TAF13: variants seen among roughly 807,000 people sequenced by gnomAD.
TAF13 encodes the protein TATA-box binding protein associated factor 13, also known as transcription initiation factor TFIID subunit 13.
Under a neutral mutation model 18.7 loss-of-function variants are expected in TAF13, and 9 were observed. The ratio of observed to expected loss-of-function variants is 0.48; its 90% CI spans 0.29 to 0.84. The LOEUF is 0.84. Among genes scored for constraint, TAF13 ranks in the 40% least tolerant of loss-of-function variants. The probability of loss-of-function intolerance (pLI) is 0.08; values close to 1 mark genes in which losing one functional copy is unlikely to be tolerated. For missense variants in TAF13, 105 were observed against 146.5 expected, an observed-to-expected ratio of 0.72 and a Z score of 1.46; for synonymous variants, 49 against 44.1, an observed-to-expected ratio of 1.11 and a Z score of -0.44.
intron 3 of TAF13, 102 bp downstream of exon 3, chr1:109,066,033 T>C: frequency 1.1e-6 from 1 of 924,354 alleles, no homozygotes; most frequent in Admixed American, 2.7e-5. Context: ...CTCAAATGGA[T>C]AGCTTATTTC....
intron 2 of TAF13, among the ~76,000 whole-genome samples, chr1:109,070,732 T>C (rs1029580732): frequency 3.3e-5 from 5 of 152,070 alleles, no homozygotes; most frequent in Non-Finnish European, 7.4e-5. Flanking sequence ...GGAGAATAGA[T>C]CTTTCGTCAG....
chr1:109,074,951 T>C, intron 2 of TAF13, 36 bp downstream of exon 2: 2 of 1,524,222 alleles, frequency 1.3e-6, no homozygotes, highest in Non-Finnish European at 1.8e-6. Flanking sequence ...AAAGTTTTCA[T>C]CATCTATAAC....
chr1:109,066,292 T>A (rs1266624095), intron 2 of TAF13, 60 bp from the exon 3 acceptor site: 3 of 1,360,408 alleles, frequency 2.2e-6, no homozygotes, highest in Admixed American at 2.3e-5. Context: ...TTTGATACTT[T>A]AAAAAAATAA....
At chr1:109,072,147 C>T (rs1488423237) in intron 2 of TAF13, among the ~76,000 whole-genome samples, 3 of 133,892 alleles carry the variant, frequency 2.2e-5, no homozygotes, top group African/African-American at 2.9e-5. Context: ...TATATATATA[C>T]TGACCCTGTA....
At chr1:109,074,838 A>G in intron 2 of TAF13, 149 bp downstream of exon 2, 1 of 649,904 alleles carries the variant, frequency 1.5e-6, no homozygotes, top group Non-Finnish European at 2.6e-6. Flanking sequence ...GATTGGTACT[A>G]TCTGATTCAA....
chr1:109,073,623 T>C (rs921031264), intron 2 of TAF13, among the ~76,000 whole-genome samples: 1 of 152,156 alleles, frequency 6.6e-6, no homozygotes, highest in African/African-American at 2.4e-5. Context: ...CGCCTCGGCC[T>C]CCCGAGGTGC....
In TAF13 at chr1:109,075,993, C is replaced by A. The variant is rs2102114424; in HGVS notation, c.-46G>T. On this transcript the variant is annotated 5_prime_UTR_variant, in exon 1 of 4. Transcript: ENST00000338366. ...CAGCGTCCTGCCGGCTGGCTCCCAG[C>A]TGGTTACACTACTTCCGCCGCCTCA... is the stretch of plus-strand genomic sequence containing the variant. The A allele has an allele frequency of 1.9e-6, 3 of 1,614,042 alleles. No homozygotes were observed. Among genetic ancestry groups the A allele is most frequent in the Non-Finnish European group, 2.5e-6 (3 of 1,179,960 alleles).
chr1:109,070,177 A>G (rs1664024041), intron 2 of TAF13, among the ~76,000 whole-genome samples: 1 of 152,146 alleles, frequency 6.6e-6, no homozygotes, highest in African/African-American at 2.4e-5. Context: ...CGAATCCGAT[A>G]GTTCCTTGAC....
rs151073234 is a variant in TAF13 at position 109,072,589 on chromosome 1, G to A, written c.106+2398C>T. On this transcript the variant is annotated intron_variant, in intron 2 of 3. Transcript: ENST00000338366. ...CCTCCAGAGTAGCTGGAACTACAGG[G>A]GCATGCCACCATGCCCTGCTAATTT... Among the ~76,000 whole-genome samples, 971 of 151,490 alleles carry A rather than the reference G, an allele frequency of 6.4e-3. 16 individuals carry two copies. Among genetic ancestry groups the A allele is most frequent in the African/African-American group, 0.022 (919 of 41,294 alleles).
At chr1:109,065,548 A>G (rs530761301) in intron 3 of TAF13, among the ~76,000 whole-genome samples, 316 of 109,814 alleles carry the variant, frequency 2.9e-3, no homozygotes, top group African/African-American at 0.01. Flanking sequence ...AAGGAGGGGA[A>G]AAAAAAAAAC....
chr1:109,070,693 C>T (rs1031571839), intron 2 of TAF13, among the ~76,000 whole-genome samples: 16 of 150,796 alleles, frequency 1.1e-4, no homozygotes, highest in African/African-American at 3.4e-4. Context: ...CGTACCCAGT[C>T]CCCCCCAAAT....
intron 3 of TAF13, 122 bp downstream of exon 3, chr1:109,066,013 C>T: frequency 1.3e-6 from 1 of 742,478 alleles, no homozygotes; most frequent in East Asian, 2.8e-5. Flanking sequence ...ATAACTTCTG[C>T]AAACAAGCAC....
At position 109,072,359 on chromosome 1, in the gene TAF13, G is replaced by A. The variant is rs555683243; in HGVS notation, c.106+2628C>T. ...TATTAGTAGCAGCTCTCCCTTCCTC[G>A]TGTTGCCAAAAAGGGTCAAAACCGT... On this transcript the variant is annotated intron_variant, in intron 2 of 3. Transcript: ENST00000338366. Among the ~76,000 whole-genome samples the A allele has an allele frequency of 4.5e-4, 68 of 151,616 alleles. No homozygotes were observed. The South Asian group carries it at 5.0e-3, about 11-fold the overall frequency.
At chr1:109,073,976 G>C (rs961215841) in intron 2 of TAF13, among the ~76,000 whole-genome samples, 13 of 151,868 alleles carry the variant, frequency 8.6e-5, no homozygotes, top group African/African-American at 3.1e-4. Flanking sequence ...CCTCTGCCCG[G>C]CCACGACCCC....
At chr1:109,074,667 C>G (rs1255365751) in intron 2 of TAF13, among the ~76,000 whole-genome samples, 1 of 152,074 alleles carries the variant, frequency 6.6e-6, no homozygotes, top group East Asian at 1.9e-4. Context: ...GTAGTCCCAG[C>G]TACTCAGGAG....
At chr1:109,074,898 G>C (rs897696851) in intron 2 of TAF13, 89 bp downstream of exon 2, 12 of 964,732 alleles carry the variant, frequency 1.2e-5, no homozygotes, top group Middle Eastern at 2.2e-4. Context: ...TCCCTACAGG[G>C]AAACATTCAA....
rs1663966159 is a variant in TAF13 at position 109,067,202 on chromosome 1, A to G, written c.107-970T>C. On this transcript the variant is annotated intron_variant, in intron 2 of 3. Transcript: ENST00000338366. ...GTCGGGTGCAGTGGCCCACGCCTGTAAACCCAGCACTTTGGGAGGCCCAGG... is the reference window on the plus strand; with the variant it reads ...GTCGGGTGCAGTGGCCCACGCCTGTGAACCCAGCACTTTGGGAGGCCCAGG... 4.6e-5 allele frequency among the ~76,000 whole-genome samples: 7 copies of G among 152,174 alleles called. No individual in the cohort carries two copies. In the South Asian group the frequency reaches 1.4e-3, roughly 31 times the overall value.
chr1:109,064,598 A>G lies in TAF13; in HGVS notation c.300T>C (p.Val100=). The G allele has an allele frequency of 6.3e-7, 1 of 1,586,670 alleles. No individual in the cohort carries two copies. Among genetic ancestry groups the G allele is most frequent in the Non-Finnish European group, 8.6e-7 (1 of 1,167,228 alleles). The change falls in exon 4 of 4, where the codon GTT becomes GTC. Residue 100 remains valine (V), a synonymous_variant. Coordinates refer to ENST00000338366, the MANE Select transcript of TAF13 (RefSeq NM_005645.4). ...IRKDPRKFAR[V]KDLLTMNEEL... ...CTTCATTCATAGTAAGCAAGTCTTT[A>G]ACCCTGGCAAACTTCCTTGGGTCCT...
intron 3 of TAF13, among the ~76,000 whole-genome samples, chr1:109,065,454 A>G (rs1663935065): frequency 6.6e-6 from 1 of 151,914 alleles, no homozygotes; most frequent in Non-Finnish European, 1.5e-5. Context: ...ATGCCACTGC[A>G]CTCCAGCCTG....
Sources: allele counts gnomAD v4.1 joint callset (sites outside exome capture counted in the v4.1 genomes callset), GRCh38; gene constraint gnomAD v4.1.1; transcripts MANE v1.5; gene names NCBI Gene and HGNC (gene_info 2026-07-23, HGNC 2026-07-21).